DOCK3: variants seen among roughly 807,000 people sequenced by gnomAD.
DOCK3 encodes dedicator of cytokinesis 3.
Under a neutral mutation model 265.6 loss-of-function variants are expected in DOCK3, and 60 were observed. The observed-to-expected ratio is 0.23, with a 90% confidence interval of 0.18 to 0.28. The LOEUF is 0.28. Among genes scored for constraint, DOCK3 ranks in the 10% least tolerant of loss-of-function variants. The probability of loss-of-function intolerance (pLI) is 1.00; values close to 1 mark genes in which losing one functional copy is unlikely to be tolerated. For missense variants in DOCK3, 1,981 were observed against 2,594.3 expected, an observed-to-expected ratio of 0.76 and a Z score of 5.14; for synonymous variants, 881 against 938.0, an observed-to-expected ratio of 0.94 and a Z score of 1.11.
intron 2 of DOCK3, among the ~76,000 whole-genome samples, chr3:50,793,796 A>G (rs2042621647): frequency 6.6e-6 from 1 of 151,830 alleles, no homozygotes; most frequent in Non-Finnish European, 1.5e-5. Flanking sequence ...GGCTTGATTT[A>G]CTCTTAGCTC....
At chr3:51,282,261 A>T (rs1225525259) in intron 27 of DOCK3, among the ~76,000 whole-genome samples, 1 of 152,196 alleles carries the variant, frequency 6.6e-6, no homozygotes, top group East Asian at 1.9e-4. Flanking sequence ...ATGCCATAAA[A>T]TTCATACTTT....
At chr3:51,145,654 T>C (rs1374222201) in intron 9 of DOCK3, among the ~76,000 whole-genome samples, 4 of 152,200 alleles carry the variant, frequency 2.6e-5, no homozygotes, top group African/African-American at 4.8e-5. Flanking sequence ...GTATTTTATG[T>C]GTGGCCCAAG....
At chr3:50,845,547 A>T (rs2046039779) in intron 3 of DOCK3, among the ~76,000 whole-genome samples, 2 of 152,162 alleles carry the variant, frequency 1.3e-5, no homozygotes, top group South Asian at 2.1e-4. Flanking sequence ...GGAGAGAGTG[A>T]TGGATGGTAA....
At chr3:51,030,972 T>G (rs1327885902) in intron 5 of DOCK3, among the ~76,000 whole-genome samples, 4 of 152,218 alleles carry the variant, frequency 2.6e-5, no homozygotes. Flanking sequence ...CCTTGATCTT[T>G]GCTTTGTAAT....
At chr3:50,927,968 T>C (rs2108104428) in intron 4 of DOCK3, among the ~76,000 whole-genome samples, 1 of 152,216 alleles carries the variant, frequency 6.6e-6, no homozygotes, top group African/African-American at 2.4e-5. Flanking sequence ...TAAGTACTCG[T>C]AGATACTTTG....
intron 3 of DOCK3, among the ~76,000 whole-genome samples, chr3:50,845,818 A>C (rs1037008307): frequency 2.6e-5 from 4 of 152,230 alleles, no homozygotes; most frequent in South Asian, 2.1e-4. Context: ...TAAATATTGA[A>C]GTATTTGTGG....
intron 5 of DOCK3, among the ~76,000 whole-genome samples, chr3:51,036,449 C>T (rs1044005800): frequency 6.6e-6 from 1 of 152,142 alleles, no homozygotes. Flanking sequence ...AGAGATGATT[C>T]ATTTAAATGG....
chr3:50,789,691 T>C (rs1233299147), intron 2 of DOCK3, among the ~76,000 whole-genome samples: 1 of 152,200 alleles, frequency 6.6e-6, no homozygotes, highest in African/African-American at 2.4e-5. Context: ...AGGATTCTGA[T>C]ATTTTCCTGT....
Position 51,333,237 on chromosome 3 carries a change from C to T in DOCK3, c.3595C>T (p.Arg1199Cys). The change falls in exon 35 of 53, where the codon CGT becomes TGT. Residue 1199 changes from arginine to cysteine, a missense_variant. Arg to Cys is a radical substitution (Grantham distance 180, BLOSUM62 -3). This residue lies in a region of DOCK3 where 1,357 missense variants were observed against 1,866.8 expected (regional missense o/e 0.73). Coordinates refer to ENST00000266037, the MANE Select transcript of DOCK3 (RefSeq NM_004947.5). ...FVTSVTRLME[R>C]LLDYRDCMKG... ...GACCTCAGTCACCCGCCTCATGGAA[C>T]GTCTTCTTGACTACAGGTATCTTCT... is the stretch of plus-strand genomic sequence containing the variant. 2 of 1,613,192 alleles carry T rather than the reference C, an allele frequency of 1.2e-6. No individual in the cohort carries two copies. Among genetic ancestry groups the T allele is most frequent in the Non-Finnish European group, 1.7e-6 (2 of 1,179,886 alleles).
intron 9 of DOCK3, among the ~76,000 whole-genome samples, chr3:51,130,570 C>G (rs1193745376): frequency 6.6e-6 from 1 of 152,248 alleles, no homozygotes; most frequent in African/African-American, 2.4e-5. Context: ...CAAGATCCAT[C>G]TGTCTTCTAC....
At chr3:51,379,877 T>C (rs2088478743) in intron 51 of DOCK3, among the ~76,000 whole-genome samples, 1 of 152,250 alleles carries the variant, frequency 6.6e-6, no homozygotes, top group Non-Finnish European at 1.5e-5. Context: ...TGCCGCTGCC[T>C]GAGGCCTGTT....
intron 3 of DOCK3, among the ~76,000 whole-genome samples, chr3:50,847,917 T>C (rs2046167049): frequency 1.4e-5 from 2 of 146,520 alleles, no homozygotes; most frequent in South Asian, 4.4e-4. Flanking sequence ...CCCACAGTTA[T>C]TGTGAGGTTG....
At chr3:50,883,338 T>TA (rs896473469) in intron 3 of DOCK3, among the ~76,000 whole-genome samples, 31 of 151,496 alleles carry the variant, frequency 2.0e-4, no homozygotes, top group South Asian at 8.4e-4. Context: ...TTTTTCTTTA[T>TA]AAAAAAAAAT....
chr3:50,977,467 T>C (rs559407629), intron 5 of DOCK3, among the ~76,000 whole-genome samples: 30 of 152,326 alleles, frequency 2.0e-4, no homozygotes, highest in African/African-American at 6.5e-4. Flanking sequence ...TGTTGAATAT[T>C]GGCCCCCACT....
chr3:51,194,368 G>A (rs1388684818), intron 12 of DOCK3, among the ~76,000 whole-genome samples: 1 of 152,146 alleles, frequency 6.6e-6, no homozygotes, highest in African/African-American at 2.4e-5. Context: ...TGAAAAGAAT[G>A]TATATTCTGC....
intron 9 of DOCK3, among the ~76,000 whole-genome samples, chr3:51,095,008 T>A (rs1317468011): frequency 4.6e-5 from 7 of 152,006 alleles, no homozygotes; most frequent in African/African-American, 1.7e-4. Context: ...TTTTTTTTTT[T>A]TACTTTCTAT....
chr3:51,174,707 G>A (rs575332209), intron 12 of DOCK3, among the ~76,000 whole-genome samples: 2 of 152,122 alleles, frequency 1.3e-5, no homozygotes, highest in Non-Finnish European at 2.9e-5. Flanking sequence ...GATCCAGGTC[G>A]CTTTGTGTTA....
chr3:50,809,130 T>G (rs968849752), intron 2 of DOCK3, among the ~76,000 whole-genome samples: 2 of 152,236 alleles, frequency 1.3e-5, no homozygotes, highest in African/African-American at 4.8e-5. Flanking sequence ...GAAAATTTTC[T>G]TGTTCAAAAG....
At chr3:51,101,421 C>T (rs60973580) in intron 9 of DOCK3, among the ~76,000 whole-genome samples, 7,202 of 152,200 alleles carry the variant, frequency 0.047, 606 homozygotes, top group African/African-American at 0.16. Flanking sequence ...CGCCCGGCCT[C>T]GGCTTAGTCT....
Sources: gnomAD v4.1 joint callset for allele counts (sites outside exome capture counted in the v4.1 genomes callset) on GRCh38, gnomAD v4.1.1 for gene constraint, gnomAD v4.1.1 regional missense constraint, MANE v1.5 for transcripts, NCBI Gene and HGNC (gene_info 2026-07-23, HGNC 2026-07-21) for gene names.